The following PTPRO variants were observed in gnomAD, a reference collection of about 807,000 sequenced individuals.
PTPRO encodes the protein protein tyrosine phosphatase receptor type O, also known as receptor-type tyrosine-protein phosphatase O.
In PTPRO, 62 loss-of-function variants were observed where a neutral mutation model predicts 145.2. The observed-to-expected ratio is 0.43, with a 90% CI of 0.35 to 0.53. The LOEUF (loss-of-function observed/expected upper bound fraction) is 0.53. Among genes scored for constraint, PTPRO ranks in the 20% least tolerant of loss-of-function variants. PTPRO has a pLI of 0.01. For missense variants in PTPRO, 1,345 were observed against 1,482.7 expected (o/e 0.91, Z 1.53); for synonymous variants, 565 against 514.7 (o/e 1.10, Z -1.32).
At position 15,577,716 on chromosome 12, in the gene PTPRO, T is replaced by C. The variant is rs1162323499; in HGVS notation, c.2830-1137T>C. On this transcript the variant is annotated intron_variant, in intron 19 of 26. Transcript: ENST00000281171. ...CACACTATGTGGGTAATCCCACTTA[T>C]ACACAGTTATGTACACTGTTTACTA... is the stretch of plus-strand genomic sequence containing the variant. 3.3e-5 allele frequency among the ~76,000 whole-genome samples: 5 copies of C among 152,242 alleles called. No homozygotes were observed. The East Asian group carries it at 5.8e-4, about 18-fold the overall frequency.
At chr12:15,452,522 C>A (rs188902863) in intron 1 of PTPRO, among the ~76,000 whole-genome samples, 2 of 152,070 alleles carry the variant, frequency 1.3e-5, no homozygotes, top group Non-Finnish European at 2.9e-5. Flanking sequence ...AATACCAAAA[C>A]GGGGAAAGGA....
intron 20 of PTPRO, 25 bp from the exon 21 acceptor site, chr12:15,580,014 A>AT: frequency 1.3e-6 from 2 of 1,594,806 alleles, no homozygotes; most frequent in Non-Finnish European, 8.6e-7. Context: ...GAATTTTAAT[A>AT]TTTTTTTCTC....
chr12:15,555,967 A>C (rs2135573659), intron 15 of PTPRO, among the ~76,000 whole-genome samples: 1 of 152,342 alleles, frequency 6.6e-6, no homozygotes, highest in East Asian at 1.9e-4. Flanking sequence ...AGATATCTGC[A>C]GCAAGTCTAT....
intron 1 of PTPRO, among the ~76,000 whole-genome samples, chr12:15,475,658 G>T (rs148848992): frequency 1.2e-4 from 19 of 152,018 alleles, no homozygotes; most frequent in East Asian, 5.8e-4. Flanking sequence ...TAGGTTAAAA[G>T]TAAAAGGATT....
At chr12:15,514,926 C>A (rs1339280800) in intron 7 of PTPRO, among the ~76,000 whole-genome samples, 2 of 151,936 alleles carry the variant, frequency 1.3e-5, no homozygotes, top group Non-Finnish European at 2.9e-5. Context: ...CCATGCCTGG[C>A]TAATTTTCTT....
chr12:15,567,780 A>G (rs1444097538), intron 18 of PTPRO, among the ~76,000 whole-genome samples: 2 of 151,826 alleles, frequency 1.3e-5, no homozygotes, highest in East Asian at 1.9e-4. Flanking sequence ...ACCAGGACTT[A>G]CTCTCCCTGG....
At chr12:15,538,770 C>T (rs1943118930) in intron 12 of PTPRO, among the ~76,000 whole-genome samples, 1 of 152,146 alleles carries the variant, frequency 6.6e-6, no homozygotes, top group South Asian at 2.1e-4. Flanking sequence ...CTGGGTAACT[C>T]GCTGATTGGG....
chr12:15,458,659 T>G (rs1941234900), intron 1 of PTPRO, among the ~76,000 whole-genome samples: 1 of 151,808 alleles, frequency 6.6e-6, no homozygotes, highest in South Asian at 2.1e-4. Context: ...AGTTATTGTA[T>G]TCTTCAGCTC....
intron 7 of PTPRO, among the ~76,000 whole-genome samples, chr12:15,511,653 C>T (rs536620839): frequency 3.3e-5 from 5 of 152,304 alleles, no homozygotes; most frequent in African/African-American, 7.2e-5. Flanking sequence ...GCAACTTCCG[C>T]CTCCTGGGTT....
At chr12:15,325,791 G>A (rs953889501) in intron 1 of PTPRO, among the ~76,000 whole-genome samples, 1 of 152,114 alleles carries the variant, frequency 6.6e-6, no homozygotes, top group South Asian at 2.1e-4. Context: ...GGTGCAAATC[G>A]TGGAATATGA....
intron 1 of PTPRO, among the ~76,000 whole-genome samples, chr12:15,454,469 C>T (rs1941124354): frequency 6.6e-6 from 1 of 151,956 alleles, no homozygotes; most frequent in South Asian, 2.1e-4. Flanking sequence ...GGTTATTAAC[C>T]CCTTATGAGA....
At chr12:15,471,004 C>T (rs1941527195) in intron 1 of PTPRO, among the ~76,000 whole-genome samples, 1 of 152,252 alleles carries the variant, frequency 6.6e-6, no homozygotes, top group East Asian at 1.9e-4. Flanking sequence ...CATTTGTATC[C>T]TCTTACACCT....
intron 19 of PTPRO, among the ~76,000 whole-genome samples, chr12:15,571,507 C>T (rs1452025107): frequency 2.0e-5 from 3 of 152,088 alleles, no homozygotes; most frequent in African/African-American, 7.2e-5. Flanking sequence ...AGTCTGGTCT[C>T]GAACTCCTTA....
chr12:15,447,834 G>GATCACGTCAAATTC (rs1201598223), intron 1 of PTPRO, among the ~76,000 whole-genome samples: 24 of 152,204 alleles, frequency 1.6e-4, no homozygotes, highest in African/African-American at 5.8e-4. Flanking sequence ...TCTGCAGATT[G>GATCACGTCAAATTC]ATCACGTCAA....
intron 9 of PTPRO, among the ~76,000 whole-genome samples, chr12:15,517,945 G>T (rs1251975064): frequency 6.6e-6 from 1 of 152,156 alleles, no homozygotes; most frequent in Non-Finnish European, 1.5e-5. Flanking sequence ...TCTGGAGGAT[G>T]GTGACCCTCT....
In PTPRO at chr12:15,524,851, C is replaced by A. The variant is rs889475969; in HGVS notation, c.1929C>A (p.Phe643Leu). ...VAPEITSVEY[F>L]NSLLYISWTY... The stretch of plus-strand genomic sequence containing the variant: ...CGGAAATCACTTCTGTGGAATATTT[C>A]AACAGTCTGTTATATATCAGTTGGA... Residue 643 changes from phenylalanine to leucine, a missense_variant, in exon 11 of 27, where the codon TTC (phenylalanine) becomes TTA (leucine). By Grantham distance (22) the Phe-to-Leu change is conservative (BLOSUM62 0). Coordinates refer to ENST00000281171, the MANE Select transcript of PTPRO (RefSeq NM_030667.3). 6 of 1,613,468 alleles carry A rather than the reference C, an allele frequency of 3.7e-6. No homozygotes were observed. The African/African-American group carries it at 6.7e-5, about 18-fold the overall frequency.
intron 1 of PTPRO, among the ~76,000 whole-genome samples, chr12:15,385,628 A>G (rs1385289646): frequency 6.6e-6 from 1 of 152,112 alleles, no homozygotes; most frequent in Non-Finnish European, 1.5e-5. Flanking sequence ...CCTGGCTAAC[A>G]TGGTGAAACC....
At chr12:15,515,650 C>T in intron 8 of PTPRO, 32 bp downstream of exon 8, 2 of 1,613,314 alleles carry the variant, frequency 1.2e-6, no homozygotes, top group African/African-American at 1.3e-5. Flanking sequence ...GAATGACTGA[C>T]CTATATATTA....
At chr12:15,365,301 C>T (rs568327781) in intron 1 of PTPRO, among the ~76,000 whole-genome samples, 38 of 152,238 alleles carry the variant, frequency 2.5e-4, no homozygotes, top group Non-Finnish European at 3.5e-4. Flanking sequence ...GTAAGTGAGA[C>T]TCAAACAAAA....
Sources: gnomAD v4.1 joint callset for allele counts (sites outside exome capture counted in the v4.1 genomes callset) on GRCh38, gnomAD v4.1.1 for gene constraint, MANE v1.5 for transcripts, NCBI Gene and HGNC (gene_info 2026-07-23, HGNC 2026-07-21) for gene names.